The following XPO1 variants were observed in gnomAD, a reference collection of about 807,000 sequenced individuals.
XPO1 encodes the protein exportin-1.
In XPO1, 5 loss-of-function variants were observed where a neutral mutation model predicts 133.3. That is an observed-to-expected ratio of 0.04 (90% confidence interval 0.02 to 0.08). The LOEUF (loss-of-function observed/expected upper bound fraction) is 0.08. Among genes scored for constraint, XPO1 ranks in the 10% least tolerant of loss-of-function variants. The pLI is 1.00. For missense variants in XPO1, 506 were observed against 1,267.5 expected (o/e 0.40, Z 9.12); for synonymous variants, 419 against 408.2 (o/e 1.03, Z -0.32).
At chr2:61,516,858 C>T (rs1324598511) in intron 4 of XPO1, among the ~76,000 whole-genome samples, 6 of 151,828 alleles carry the variant, frequency 4.0e-5, no homozygotes, top group Non-Finnish European at 5.9e-5. Context: ...AAGGAGGCTT[C>T]CTCTTTTTTT....
At chr2:61,531,105 C>A (rs539689918) in intron 2 of XPO1, among the ~76,000 whole-genome samples, 2 of 152,318 alleles carry the variant, frequency 1.3e-5, no homozygotes, top group Non-Finnish European at 2.9e-5. Flanking sequence ...CTCGCTGCTA[C>A]TACTACTCCT....
Position 61,498,742 on chromosome 2 carries a change from G to C in XPO1, c.690C>G (p.Leu230=), listed in dbSNP as rs376740761. 9.9e-6 allele frequency: 16 copies of C among 1,613,912 alleles called. No homozygotes were observed. The African/African-American group carries it at 1.9e-4, about 19-fold the overall frequency. The change falls in exon 9 of 25, where the codon CTC becomes CTG. Residue 230 remains leucine, a synonymous_variant. Coordinates refer to ENST00000401558, the MANE Select transcript of XPO1 (RefSeq NM_003400.4). ...PLVHATLETL[L]RFLNWIPLGY... ...CCAGGGGAATCCAGTTCAGAAATCT[G>C]AGCAATGTTTCCAAGGTTGCATGTA...
chr2:61,485,753 T>A lies in XPO1; in HGVS notation c.2508+15A>T. 3 of 1,587,164 alleles carry A rather than the reference T, an allele frequency of 1.9e-6. No individual in the cohort carries two copies. Among genetic ancestry groups the A allele is most frequent in the Non-Finnish European group, 2.6e-6 (3 of 1,161,724 alleles). On this transcript the variant is annotated intron_variant, in intron 20 of 24. Coordinates refer to ENST00000401558, the MANE Select transcript of XPO1 (RefSeq NM_003400.4). ...CTGCAGAATTTCCCCCTTACATAACTGAAATATTACACACCTTATTTATCA... is the reference window on the plus strand; with the variant it reads ...CTGCAGAATTTCCCCCTTACATAACAGAAATATTACACACCTTATTTATCA...
intron 4 of XPO1, among the ~76,000 whole-genome samples, chr2:61,503,854 A>G (rs911117639): frequency 1.3e-5 from 2 of 152,216 alleles, no homozygotes; most frequent in African/African-American, 2.4e-5. Context: ...GGCATGAGCC[A>G]CCAGGCCTGG....
At chr2:61,520,861 C>T (rs967635740) in intron 4 of XPO1, among the ~76,000 whole-genome samples, 4 of 152,036 alleles carry the variant, frequency 2.6e-5, no homozygotes, top group Non-Finnish European at 4.4e-5. Context: ...AGTAAATCAC[C>T]TTTTCTTGGT....
At position 61,492,208 on chromosome 2, in the gene XPO1, C is replaced by G; in HGVS notation, c.1724-10G>C. 1 of 1,611,850 alleles carries G rather than the reference C, an allele frequency of 6.2e-7. No homozygotes were observed. Among genetic ancestry groups the G allele is most frequent in the Non-Finnish European group, 8.5e-7 (1 of 1,179,010 alleles). Reference sequence around the variant, plus strand: ...ACTCCATCATGGGTCTCTAACAAGACAAAAATATTCATTTATTTTGTCCTG... The same window carrying G: ...ACTCCATCATGGGTCTCTAACAAGAGAAAAATATTCATTTATTTTGTCCTG... On this transcript the variant is annotated splice_polypyrimidine_tract_variant and intron_variant, in intron 15 of 24. Coordinates refer to ENST00000401558, the MANE Select transcript of XPO1 (RefSeq NM_003400.4). The surrounding 1 kb of genome is among the most constrained non-coding windows in gnomAD (Gnocchi z 5.6).
intron 3 of XPO1, 147 bp downstream of exon 3, chr2:61,526,270 AATT>A: frequency 6.9e-7 from 1 of 1,442,196 alleles, no homozygotes; most frequent in Non-Finnish European, 9.0e-7. Flanking sequence ...TGCAAGAATT[AATT>A]ATATGCTTAA....
chr2:61,494,805 T>C (rs1697162777), intron 11 of XPO1: 1 of 148,828 alleles, frequency 6.7e-6, no homozygotes, highest in South Asian at 2.1e-4. Flanking sequence ...TATATATATA[T>C]ATACTTAAGT....
intron 19 of XPO1, 48 bp downstream of exon 19, chr2:61,488,117 A>G (rs1310193862): frequency 2.6e-6 from 4 of 1,522,268 alleles, no homozygotes; most frequent in African/African-American, 1.4e-5. Context: ...TATTCCATAA[A>G]ACACAGCATC....
chr2:61,483,205 A>T (rs999080951), intron 21 of XPO1, 114 bp from the exon 22 acceptor site: 14 of 1,151,050 alleles, frequency 1.2e-5, no homozygotes, highest in African/African-American at 6.3e-5. Flanking sequence ...TTTTTTTGGG[A>T]TGATGACTAA....
intron 12 of XPO1, 92 bp from the exon 13 acceptor site, chr2:61,493,145 A>G: frequency 3.0e-6 from 4 of 1,335,474 alleles, no homozygotes; most frequent in Middle Eastern, 4.5e-4. Context: ...CAAAACCAAA[A>G]AAACCACAAG....
At chr2:61,483,849 G>C in intron 21 of XPO1, 88 bp downstream of exon 21, 2 of 1,456,576 alleles carry the variant, frequency 1.4e-6, no homozygotes, top group Non-Finnish European at 1.9e-6. Context: ...TCAAAACTCT[G>C]AACAAGTAAT....
At chr2:61,490,824 A>T (rs1232415547) in intron 16 of XPO1, 48 bp from the exon 17 acceptor site, 1 of 1,585,330 alleles carries the variant, frequency 6.3e-7, no homozygotes, top group Non-Finnish European at 8.6e-7. Flanking sequence ...ACACCCTAAT[A>T]AGGAAAACCA....
intron 2 of XPO1, among the ~76,000 whole-genome samples, chr2:61,529,166 G>A (rs1163857894): frequency 1.3e-5 from 2 of 152,108 alleles, no homozygotes; most frequent in African/African-American, 4.8e-5. Context: ...CAGCCTGTGT[G>A]ACAGAGCAAG....
chr2:61,495,772 A>G (rs577808506), intron 10 of XPO1, among the ~76,000 whole-genome samples, 159 bp from the exon 11 acceptor site: 2 of 152,142 alleles, frequency 1.3e-5, no homozygotes, highest in East Asian at 3.9e-4. Context: ...CCTAGGCCCA[A>G]TCAGTCCTCC....
chr2:61,537,499 TCCTC>T, intron 1 of XPO1, 59 bp downstream of exon 1: 1 of 145,984 alleles, frequency 6.9e-6, no homozygotes, highest in Admixed American at 6.8e-5. Flanking sequence ...CACGCCGGCC[TCCTC>T]CCGCCCGCCC....
At chr2:61,504,420 G>A (rs971178953) in intron 4 of XPO1, among the ~76,000 whole-genome samples, 3 of 152,186 alleles carry the variant, frequency 2.0e-5, no homozygotes, top group African/African-American at 4.8e-5. Context: ...AGGATATGAA[G>A]TAGCAACCCT....
rs776593404 is a variant in XPO1 at position 61,486,004 on chromosome 2, C to T, written c.2314-42G>A. On this transcript the variant is annotated intron_variant, in intron 19 of 24. Transcript: ENST00000401558. ...AAAAAGTTATGTTTTAATTTAGGTA[C>T]ATGGTGACTATTTTAAACAACAAGG... The T allele has an allele frequency of 1.2e-5, 19 of 1,525,004 alleles. 1 individual carries two copies. The South Asian group carries it at 2.1e-4, about 17-fold the overall frequency. The allele number at this position is 1,525,004 out of a possible 1,614,324, so 94.5% of individuals were successfully genotyped here.
At chr2:61,497,529 T>C (rs950608826) in intron 9 of XPO1, among the ~76,000 whole-genome samples, 3 of 152,198 alleles carry the variant, frequency 2.0e-5, no homozygotes, top group African/African-American at 7.2e-5. Flanking sequence ...TTTCTTTTGA[T>C]GTGTCCTAAA....
Sources: gnomAD v4.1 joint callset for allele counts (sites outside exome capture counted in the v4.1 genomes callset) on GRCh38, gnomAD v4.1.1 for gene constraint, Gnocchi (gnomAD v3.1) non-coding constraint, MANE v1.5 for transcripts, NCBI Gene and HGNC (gene_info 2026-07-23, HGNC 2026-07-21) for gene names.